The following MDM1 variants were observed in gnomAD, a reference collection of about 807,000 sequenced individuals.
MDM1 encodes Mdm1 nuclear protein.
A neutral mutation model predicts 89.1 loss-of-function variants in MDM1; 61 were observed. The observed-to-expected ratio is 0.68, with a 90% CI of 0.56 to 0.85. The LOEUF is 0.85. Among genes scored for constraint, MDM1 ranks in the 40% least tolerant of loss-of-function variants. The pLI is 0.00. For missense variants in MDM1, 820 were observed against 846.5 expected (o/e 0.97, Z 0.39); for synonymous variants, 290 against 294.1 (o/e 0.99, Z 0.14).
At chr12:68,326,302 G>A in intron 3 of MDM1, 1 of 1,305,540 alleles carries the variant, frequency 7.7e-7, no homozygotes, top group Non-Finnish European at 9.7e-7. Context: ...AAGGGGCTAG[G>A]TAGAAGTCAG....
Position 68,332,279 on chromosome 12 carries a change from A to C in MDM1, c.-34T>G. 6.3e-7 allele frequency: 1 copy of C among 1,576,706 alleles called. No individual in the cohort carries two copies. The highest frequency in any genetic ancestry group is 1.2e-5 in the South Asian group (1 of 86,304). ...GCGCCGGAGCCCCCGCTACTCCGAC[A>C]GTTAACTGGAGAAAAAGCTCCGAGG... is the stretch of plus-strand genomic sequence containing the variant. On this transcript the variant is annotated 5_prime_UTR_variant, in exon 1 of 15. Transcript: ENST00000682720.
intron 12 of MDM1, among the ~76,000 whole-genome samples, chr12:68,304,961 T>C (rs930111354): frequency 2.0e-5 from 3 of 152,260 alleles, no homozygotes; most frequent in Non-Finnish European, 4.4e-5. Context: ...TGCTGCTGGA[T>C]TCAGTCTGAT....
At chr12:68,306,671 CATA>C (rs1472380206) in intron 12 of MDM1, among the ~76,000 whole-genome samples, 1 of 152,142 alleles carries the variant, frequency 6.6e-6, no homozygotes, top group African/African-American at 2.4e-5. Context: ...AAATCAAAAC[CATA>C]ATGAGATATC....
intron 12 of MDM1, among the ~76,000 whole-genome samples, chr12:68,312,693 T>A (rs1450709637): frequency 6.6e-6 from 1 of 152,128 alleles, no homozygotes; most frequent in African/African-American, 2.4e-5. Flanking sequence ...AAATTCAAAA[T>A]CTTTGCTATG....
intron 3 of MDM1, 150 bp from the exon 4 acceptor site, chr12:68,325,725 G>T: frequency 2.4e-6 from 3 of 1,267,852 alleles, no homozygotes; most frequent in South Asian, 2.8e-5. Flanking sequence ...TGCGCATTGT[G>T]GTACAGCAAA....
At chr12:68,313,805 T>C in intron 10 of MDM1, 52 bp from the exon 11 acceptor site, 2 of 1,398,468 alleles carry the variant, frequency 1.4e-6, no homozygotes, top group Non-Finnish European at 2.0e-6. Flanking sequence ...CGAGAAAATA[T>C]GATAAAAAAT....
rs760724040 is a variant in MDM1, at chr12:68,295,292, C to T, written c.2137G>A (p.Ala713Thr). ...SLRAFQTLAR[A>T]KKRKENFWGK... ...CAGAAATTCTCCTTCCTTTTCTTAGCTCGTGCCAGAGTTTGAAAAGCCCGG... is the reference window on the plus strand; with the variant it reads ...CAGAAATTCTCCTTCCTTTTCTTAGTTCGTGCCAGAGTTTGAAAAGCCCGG... The change falls in exon 15 of 15, where the codon GCT becomes ACT. Residue 713 changes from alanine to threonine, a missense_variant. Transcript: ENST00000682720. The T allele has an allele frequency of 1.9e-6, 3 of 1,613,008 alleles. No individual in the cohort carries two copies. Among genetic ancestry groups the T allele is most frequent in the East Asian group, 2.2e-5 (1 of 44,780 alleles).
rs1280362330 is a variant in MDM1 at position 68,302,632 on chromosome 12, A to ACTCTGGATC, written c.1981_1989dup (p.Asp661_Glu663dup). On this transcript the variant is annotated inframe_insertion, in exon 13 of 15. Coordinates refer to ENST00000682720, the MANE Select transcript of MDM1 (RefSeq NM_001354969.2). Reference sequence around the variant, plus strand: ...CCAAAATAATTACCATTGTGCTGAAACTCTGGATCTCTAAGAGAGCCCTGA... The same window carrying ACTCTGGATC: ...CCAAAATAATTACCATTGTGCTGAAACTCTGGATCCTCTGGATCTCTAAGAGAGCCCTGA... 6.2e-7 allele frequency: 1 copy of ACTCTGGATC among 1,611,894 alleles called. No homozygotes were observed.
chr12:68,307,024 G>A (rs1042561516), intron 12 of MDM1, among the ~76,000 whole-genome samples: 5 of 152,160 alleles, frequency 3.3e-5, no homozygotes, highest in Non-Finnish European at 4.4e-5. Context: ...AAGAAAGAAT[G>A]AAATCATGTC....
intron 4 of MDM1, among the ~76,000 whole-genome samples, chr12:68,323,939 C>A (rs1282807179): frequency 6.6e-6 from 1 of 152,136 alleles, no homozygotes; most frequent in East Asian, 1.9e-4. Context: ...ACTGTTCTGA[C>A]TCCTTTACAT....
chr12:68,299,644 A>G (rs1251111849), intron 13 of MDM1, among the ~76,000 whole-genome samples: 1 of 152,200 alleles, frequency 6.6e-6, no homozygotes, highest in Non-Finnish European at 1.5e-5. Context: ...TAAAGAAAAA[A>G]GAATCAAATG....
chr12:68,323,090 CTG>C lies in MDM1; in HGVS notation c.782_783del (p.Thr261SerfsTer4). Reference protein sequence around the residue: ...NDLRENRNLETVSPERKSNKI... With the variant: ...NDLRENRNLEXVSPERKSNKI... Reference sequence around the variant, plus strand: ...ATGAATACCTTCCTTTCAGGAGACACTGTTTCAAGATTTCTGTTTTCTCTCAA... The same window carrying C: ...ATGAATACCTTCCTTTCAGGAGACACTTTCAAGATTTCTGTTTTCTCTCAA... On this transcript the variant is annotated frameshift_variant, in exon 5 of 15. Transcript: ENST00000682720. LOFTEE classifies it high-confidence loss of function. 1 of 1,606,862 alleles carries C rather than the reference CTG, an allele frequency of 6.2e-7. No homozygotes were observed. Among genetic ancestry groups the C allele is most frequent in the Non-Finnish European group, 8.5e-7 (1 of 1,177,922 alleles).
intron 12 of MDM1, 45 bp from the exon 13 acceptor site, chr12:68,302,917 A>G: frequency 1.3e-6 from 2 of 1,491,632 alleles, no homozygotes; most frequent in Non-Finnish European, 1.8e-6. Flanking sequence ...CTATGTGTAG[A>G]TATGTAAATA....
At chr12:68,315,311 T>C (rs772351867) in intron 9 of MDM1, 46 bp from the exon 10 acceptor site, 1 of 1,549,670 alleles carries the variant, frequency 6.5e-7, no homozygotes, top group Non-Finnish European at 8.7e-7. Flanking sequence ...TAGTTTGCAC[T>C]TTTCTAATCA....
chr12:68,305,880 C>T (rs533849587), intron 12 of MDM1, among the ~76,000 whole-genome samples: 1 of 108,318 alleles, frequency 9.2e-6, no homozygotes, highest in Admixed American at 1.1e-4. Flanking sequence ...TCATTTTTCA[C>T]AGAATTAGAA....
At chr12:68,321,057 T>A (rs1875155805) in intron 7 of MDM1, 1 of 261,806 alleles carries the variant, frequency 3.8e-6, no homozygotes, top group Non-Finnish European at 7.2e-6. Flanking sequence ...AATAATCGAA[T>A]CTATAATGAT....
In MDM1 at chr12:68,329,484, C is replaced by A. The variant is rs78397914; in HGVS notation, c.133+1623G>T. ...CACATGTGGGACACTAAGCACTGATCTGTGTACTCAAACCAGGCCCTTAAT... is the reference window on the plus strand; with the variant it reads ...CACATGTGGGACACTAAGCACTGATATGTGTACTCAAACCAGGCCCTTAAT... On this transcript the variant is annotated intron_variant, in intron 2 of 14. Transcript: ENST00000682720. Among the ~76,000 whole-genome samples the A allele has an allele frequency of 3.4e-3, 516 of 152,318 alleles. 3 individuals are homozygous for A. Among genetic ancestry groups the A allele is most frequent in the African/African-American group, 0.011 (457 of 41,574 alleles).
chr12:68,315,855 T>C (rs1170894421), intron 9 of MDM1, among the ~76,000 whole-genome samples: 2 of 152,210 alleles, frequency 1.3e-5, no homozygotes, highest in Non-Finnish European at 2.9e-5. Flanking sequence ...AAAAATATTA[T>C]AAAAATCTAG....
Position 68,302,884 on chromosome 12 carries a change from A to AAAC in MDM1, c.1750-13_1750-12insGTT. On this transcript the variant is annotated splice_polypyrimidine_tract_variant and intron_variant, in intron 12 of 14. Coordinates refer to ENST00000682720, the MANE Select transcript of MDM1 (RefSeq NM_001354969.2). ...GCACGACTTTCTTTCTAAATGACAAAAAAAAAAAAAAAAAAAAGATGCCTA... is the reference window on the plus strand; with the variant it reads ...GCACGACTTTCTTTCTAAATGACAAAAACAAAAAAAAAAAAAAAAAGATGCCTA... The AAAC allele has an allele frequency of 9.3e-7, 1 of 1,077,796 alleles. No homozygotes were observed. Among genetic ancestry groups the AAAC allele is most frequent in the Non-Finnish European group, 1.3e-6 (1 of 797,786 alleles). 66.8% of individuals were successfully genotyped at this position (1,077,796 alleles called of 1,614,324 possible). A position where few individuals can be genotyped will look rare whatever the true frequency, so the allele number is the denominator to read the frequency against.
Sources: allele counts gnomAD v4.1 joint callset (sites outside exome capture counted in the v4.1 genomes callset), GRCh38; gene constraint gnomAD v4.1.1; transcripts MANE v1.5; gene names NCBI Gene and HGNC (gene_info 2026-07-23, HGNC 2026-07-21).